Variants in CAMTA1 observed in about 807,000 individuals in gnomAD.
CAMTA1 encodes calmodulin-binding transcription activator 1.
In CAMTA1, 27 loss-of-function variants were observed where a neutral mutation model predicts 170.9. The ratio of observed to expected loss-of-function variants is 0.16; its 90% CI spans 0.12 to 0.22. The LOEUF is 0.22. Ranked by LOEUF, CAMTA1 falls within the 10% of genes least tolerant of loss-of-function variation. The pLI is 1.00. For synonymous variants in CAMTA1, 833 were observed against 891.5 expected (o/e 0.93, Z 1.17); for missense variants, 1,619 against 2,217.2 (o/e 0.73, Z 5.42).
At chr1:7,029,616 T>C (rs932811930) in intron 3 of CAMTA1, among the ~76,000 whole-genome samples, 17 of 151,968 alleles carry the variant, frequency 1.1e-4, no homozygotes, top group Non-Finnish European at 2.2e-4. Context: ...CTCTCTCTCT[T>C]TTTTGCATAG....
intron 4 of CAMTA1, among the ~76,000 whole-genome samples, chr1:7,141,586 G>T (rs903894786): frequency 6.6e-6 from 1 of 152,182 alleles, no homozygotes; most frequent in Non-Finnish European, 1.5e-5. Context: ...CTGGCTCTAG[G>T]TGTGGCTAAT....
At position 7,001,036 on chromosome 1, in the gene CAMTA1, G is replaced by A. The variant is rs575320341; in HGVS notation, c.235-90268G>A. ...TGTCACTTACATATTTATAATTGTC[G>A]TTATATTTTTAATTTCTTTAGTTTT... On this transcript the variant is annotated intron_variant, in intron 3 of 22. Coordinates refer to ENST00000303635, the MANE Select transcript of CAMTA1 (RefSeq NM_015215.4). Among the ~76,000 whole-genome samples, 49 of 152,212 alleles carry A rather than the reference G, an allele frequency of 3.2e-4. No homozygotes were observed. The East Asian group carries it at 6.6e-3, about 20-fold the overall frequency.
chr1:7,510,147 C>A (rs1218650205), intron 6 of CAMTA1, among the ~76,000 whole-genome samples: 1 of 134,676 alleles, frequency 7.4e-6, no homozygotes, highest in Non-Finnish European at 1.7e-5. Flanking sequence ...CGACGGCACT[C>A]GAGATAACAC....
intron 6 of CAMTA1, among the ~76,000 whole-genome samples, chr1:7,521,143 C>T (rs114286927): frequency 0.012 from 1,899 of 152,216 alleles, 42 homozygotes; most frequent in African/African-American, 0.043. Context: ...CTGATCTTCC[C>T]GCTTTTATTA....
intron 3 of CAMTA1, among the ~76,000 whole-genome samples, chr1:6,886,009 A>G (rs1673111312): frequency 6.6e-6 from 1 of 152,104 alleles, no homozygotes; most frequent in African/African-American, 2.4e-5. Flanking sequence ...TTGCCATAGC[A>G]TATTGTGATT....
intron 6 of CAMTA1, among the ~76,000 whole-genome samples, chr1:7,629,068 C>A (rs2095651671): frequency 6.6e-6 from 1 of 152,182 alleles, no homozygotes; most frequent in African/African-American, 2.4e-5. Context: ...CAGGGGTGGT[C>A]GGAGCAACTC....
At chr1:7,699,172 CTGAG>C (rs573965093) in intron 11 of CAMTA1, among the ~76,000 whole-genome samples, 120 of 152,264 alleles carry the variant, frequency 7.9e-4, no homozygotes, top group Non-Finnish European at 1.4e-3. Context: ...TACAAAGTTT[CTGAG>C]TGTTTTCACA....
At chr1:7,375,462 A>G (rs1165830007) in intron 5 of CAMTA1, among the ~76,000 whole-genome samples, 2 of 152,184 alleles carry the variant, frequency 1.3e-5, no homozygotes, top group African/African-American at 4.8e-5. Context: ...AACTGGCCTT[A>G]TGCACTCACC....
chr1:7,413,266 A>C (rs2090925265), intron 5 of CAMTA1, among the ~76,000 whole-genome samples: 1 of 152,140 alleles, frequency 6.6e-6, no homozygotes, highest in African/African-American at 2.4e-5. Context: ...TATGAACTTT[A>C]AAGTAGTTTT....
intron 4 of CAMTA1, among the ~76,000 whole-genome samples, chr1:7,193,299 C>T (rs1654895299): frequency 6.6e-6 from 1 of 151,426 alleles, no homozygotes; most frequent in South Asian, 2.1e-4. Flanking sequence ...CTGCAGTGAG[C>T]CGAGATTGCA....
chr1:7,754,575 A>G (rs959554985), intron 21 of CAMTA1, among the ~76,000 whole-genome samples: 2 of 152,184 alleles, frequency 1.3e-5, no homozygotes, highest in African/African-American at 2.4e-5. Flanking sequence ...TTGTTTTTAG[A>G]GTTCTCTTTC....
chr1:6,867,864 G>C (rs750867591), intron 3 of CAMTA1, among the ~76,000 whole-genome samples: 2 of 151,710 alleles, frequency 1.3e-5, no homozygotes, highest in East Asian at 3.9e-4. Context: ...GGAATGCAGC[G>C]AGTGGCACAG....
At chr1:7,103,691 TACA>T (rs897140087) in intron 4 of CAMTA1, among the ~76,000 whole-genome samples, 27 of 136,258 alleles carry the variant, frequency 2.0e-4, no homozygotes, top group Non-Finnish European at 3.7e-4. Context: ...ACACAACAGA[TACA>T]ACTACACATA....
At chr1:7,336,432 A>T (rs2083388905) in intron 5 of CAMTA1, among the ~76,000 whole-genome samples, 1 of 152,186 alleles carries the variant, frequency 6.6e-6, no homozygotes, top group Non-Finnish European at 1.5e-5. Context: ...GGGTGATGAG[A>T]TGCACCAGCT....
At chr1:7,601,989 GGGGAGAGGGAGA>G (rs1168305140) in intron 6 of CAMTA1, among the ~76,000 whole-genome samples, 14 of 116,542 alleles carry the variant, frequency 1.2e-4, no homozygotes, top group South Asian at 2.5e-4. Context: ...GGGAGACCGT[GGGGAGAGGGAGA>G]GGGAGAGGGA....
intron 3 of CAMTA1, among the ~76,000 whole-genome samples, chr1:6,896,999 C>G (rs1235775736): frequency 6.6e-6 from 1 of 152,120 alleles, no homozygotes; most frequent in Non-Finnish European, 1.5e-5. Flanking sequence ...GAACTGAGAC[C>G]TAGAGATAAA....
At chr1:7,214,507 T>G (rs552499301) in intron 4 of CAMTA1, among the ~76,000 whole-genome samples, 2 of 152,164 alleles carry the variant, frequency 1.3e-5, no homozygotes, top group Admixed American at 1.3e-4. Context: ...GTGGGGACTA[T>G]AGGTGCCTAC....
In CAMTA1 at chr1:6,940,916, G is replaced by GGTCCTC. The variant is rs1218537364; in HGVS notation, c.234+115706_234+115707insGTCCTC. On this transcript the variant is annotated intron_variant, in intron 3 of 22. Coordinates refer to ENST00000303635, the MANE Select transcript of CAMTA1 (RefSeq NM_015215.4). ...GTGGGCACTGTGCTCACAGGCAGGGGATCCTCACAGGGAAAGGGGATCCTC... is the reference window on the plus strand; with the variant it reads ...GTGGGCACTGTGCTCACAGGCAGGGGGTCCTCATCCTCACAGGGAAAGGGGATCCTC... 1.3e-4 allele frequency among the ~76,000 whole-genome samples: 20 copies of GGTCCTC among 151,428 alleles called. 7 individuals carry two copies. Among genetic ancestry groups the GGTCCTC allele is most frequent in the African/African-American group, 3.1e-4 (13 of 41,318 alleles).
chr1:7,429,885 A>G (rs1421160719), intron 5 of CAMTA1, among the ~76,000 whole-genome samples: 1 of 152,094 alleles, frequency 6.6e-6, no homozygotes, highest in African/African-American at 2.4e-5. Context: ...GGAGGAAAAG[A>G]GAGTGGGGGA....
Sources: allele counts gnomAD v4.1 joint callset (sites outside exome capture counted in the v4.1 genomes callset), GRCh38; gene constraint gnomAD v4.1.1; transcripts MANE v1.5; gene names NCBI Gene and HGNC (gene_info 2026-07-23, HGNC 2026-07-21).